Variants in CLASP2 observed in about 807,000 individuals in gnomAD.
The protein encoded by CLASP2 is cytoplasmic linker associated protein 2.
Under a neutral mutation model 194.4 loss-of-function variants are expected in CLASP2, and 47 were observed. The observed-to-expected ratio is 0.24, with a 90% CI of 0.19 to 0.31. The LOEUF is 0.31. Among genes scored for constraint, CLASP2 ranks in the 10% least tolerant of loss-of-function variants. The probability of loss-of-function intolerance (pLI) is 1.00; values close to 1 mark genes in which losing one functional copy is unlikely to be tolerated. For missense variants in CLASP2, 1,445 were observed against 1,823.6 expected, an observed-to-expected ratio of 0.79 and a Z score of 3.78; for synonymous variants, 619 against 633.5, an observed-to-expected ratio of 0.98 and a Z score of 0.34.
At chr3:33,614,967 G>A (rs2075855365) in intron 12 of CLASP2, among the ~76,000 whole-genome samples, 1 of 152,090 alleles carries the variant, frequency 6.6e-6, no homozygotes, top group African/African-American at 2.4e-5. Flanking sequence ...GTGACAGAGC[G>A]AGACTCCATA....
intron 26 of CLASP2, among the ~76,000 whole-genome samples, chr3:33,568,969 T>C (rs1430086611): frequency 6.6e-6 from 1 of 152,192 alleles, no homozygotes; most frequent in South Asian, 2.1e-4. Flanking sequence ...ATTACATTAT[T>C]GACAGAGTCT....
At chr3:33,581,417 A>C (rs370950946) in intron 23 of CLASP2, among the ~76,000 whole-genome samples, 83 of 152,358 alleles carry the variant, frequency 5.4e-4, no homozygotes, top group African/African-American at 1.9e-3. Context: ...CCTAAGTTAA[A>C]TGATCTAAGC....
intron 34 of CLASP2, among the ~76,000 whole-genome samples, chr3:33,526,715 C>T (rs1200725412): frequency 6.6e-6 from 1 of 152,058 alleles, no homozygotes; most frequent in Non-Finnish European, 1.5e-5. Flanking sequence ...TCTAAAATTG[C>T]CCACATAATT....
intron 6 of CLASP2, among the ~76,000 whole-genome samples, chr3:33,667,451 A>G (rs2086406819): frequency 7.1e-6 from 1 of 141,274 alleles, no homozygotes; most frequent in Admixed American, 7.5e-5. Context: ...GCAAGTATTT[A>G]CTCCCATAAT....
intron 27 of CLASP2, among the ~76,000 whole-genome samples, chr3:33,565,619 CCTGA>C (rs1206250531): frequency 5.3e-5 from 8 of 151,724 alleles, no homozygotes; most frequent in Admixed American, 1.3e-4. Context: ...TCGAGACCAG[CCTGA>C]CTAACATTGA....
intron 1 of CLASP2, among the ~76,000 whole-genome samples, chr3:33,716,020 A>G (rs1413151154): frequency 6.6e-6 from 1 of 152,242 alleles, no homozygotes; most frequent in Non-Finnish European, 1.5e-5. Flanking sequence ...AGAGAGCAGA[A>G]TTGATGGATC....
intron 6 of CLASP2, among the ~76,000 whole-genome samples, chr3:33,680,712 G>A (rs1365793607): frequency 6.6e-6 from 1 of 152,190 alleles, no homozygotes; most frequent in Non-Finnish European, 1.5e-5. Flanking sequence ...TCAGGAGGCT[G>A]AAGTGGGAGG....
At chr3:33,584,967 G>T (rs2067021695) in intron 21 of CLASP2, 47 bp from the exon 22 acceptor site, 2 of 1,509,966 alleles carry the variant, frequency 1.3e-6, no homozygotes, top group Admixed American at 2.0e-5. Flanking sequence ...AATGCCAAGA[G>T]AATTTGCTGA....
chr3:33,529,032 G>GCCAAA (rs2055423724), intron 34 of CLASP2, among the ~76,000 whole-genome samples: 1 of 151,998 alleles, frequency 6.6e-6, no homozygotes, highest in African/African-American at 2.4e-5. Context: ...ACCAACAACA[G>GCCAAA]CCAAACCAAG....
At chr3:33,580,852 G>A (rs1348593890) in intron 23 of CLASP2, among the ~76,000 whole-genome samples, 1 of 150,778 alleles carries the variant, frequency 6.6e-6, no homozygotes, top group Non-Finnish European at 1.5e-5. Context: ...CGTCTCTACT[G>A]AAAATACAAA....
chr3:33,625,680 A>T (rs982530692), intron 10 of CLASP2, among the ~76,000 whole-genome samples: 1 of 150,636 alleles, frequency 6.6e-6, no homozygotes, highest in Non-Finnish European at 1.5e-5. Context: ...TTGTTTTTTT[A>T]TTTTTTTTAG....
At chr3:33,612,461 G>A (rs749292125) in intron 12 of CLASP2, among the ~76,000 whole-genome samples, 1 of 152,116 alleles carries the variant, frequency 6.6e-6, no homozygotes, top group Non-Finnish European at 1.5e-5. Flanking sequence ...GCAGGTAGTC[G>A]AGTGAATCTA....
chr3:33,587,455 A>G (rs1220634082), intron 21 of CLASP2, among the ~76,000 whole-genome samples: 1 of 152,160 alleles, frequency 6.6e-6, no homozygotes, highest in East Asian at 1.9e-4. Flanking sequence ...TTTTCTTGGA[A>G]TGGTCTTGCT....
intron 29 of CLASP2, 45 bp downstream of exon 29, chr3:33,559,262 T>C (rs2061422657): frequency 9.1e-7 from 1 of 1,097,204 alleles, no homozygotes; most frequent in Non-Finnish European, 1.4e-6. Context: ...TATTAATAAA[T>C]ACTTCAATTC....
intron 34 of CLASP2, among the ~76,000 whole-genome samples, chr3:33,521,746 C>T (rs545440024): frequency 2.0e-5 from 3 of 152,324 alleles, no homozygotes; most frequent in African/African-American, 7.2e-5. Flanking sequence ...AACCAGACAA[C>T]AGAATCTGTC....
intron 21 of CLASP2, among the ~76,000 whole-genome samples, chr3:33,591,669 T>C (rs886226048): frequency 3.3e-5 from 5 of 152,224 alleles, no homozygotes; most frequent in Middle Eastern, 3.2e-3. Context: ...TTCTGAAACA[T>C]AGAAATAATT....
rs540469467 is a variant in CLASP2 at position 33,547,473 on chromosome 3, A to C, written c.3154-2632T>G. Among the ~76,000 whole-genome samples the C allele has an allele frequency of 2.6e-4, 40 of 152,354 alleles. No individual in the cohort carries two copies. The South Asian group carries it at 8.1e-3, about 31-fold the overall frequency. On this transcript the variant is annotated intron_variant, in intron 30 of 38. Transcript: ENST00000682230. Reference sequence around the variant, plus strand: ...AGTATGTCTTTATCAGCAGCATGAAAATGAACTAATACAGTCATGGTATAT... The same window carrying C: ...AGTATGTCTTTATCAGCAGCATGAACATGAACTAATACAGTCATGGTATAT...
chr3:33,640,066 G>A (rs1290163517), intron 8 of CLASP2, among the ~76,000 whole-genome samples: 1 of 152,098 alleles, frequency 6.6e-6, no homozygotes, highest in Non-Finnish European at 1.5e-5. Flanking sequence ...CTGAGTTTTA[G>A]TATCTTCTTC....
intron 12 of CLASP2, among the ~76,000 whole-genome samples, chr3:33,616,237 G>A (rs147578576): frequency 6.6e-6 from 1 of 152,226 alleles, no homozygotes; most frequent in African/African-American, 2.4e-5. Flanking sequence ...GGAGGCTGAG[G>A]CGAGAGGATT....
Sources: allele counts gnomAD v4.1 joint callset (sites outside exome capture counted in the v4.1 genomes callset), GRCh38; gene constraint gnomAD v4.1.1; transcripts MANE v1.5; gene names NCBI Gene and HGNC (gene_info 2026-07-23, HGNC 2026-07-21).